MALRD1: variants seen among roughly 807,000 people sequenced by gnomAD.
MALRD1 encodes the protein MAM and LDL receptor class A domain containing 1.
Under a neutral mutation model 242.1 loss-of-function variants are expected in MALRD1, and 247 were observed. That is an observed-to-expected ratio of 1.02 (90% CI 0.92 to 1.13). The LOEUF is 1.13. Among genes scored for constraint, MALRD1 ranks in the 50% most tolerant of loss-of-function variants. The pLI, the probability that MALRD1 is intolerant of heterozygous loss-of-function variation, is 0.00. For synonymous variants in MALRD1, 995 were observed against 866.6 expected, an observed-to-expected ratio of 1.15 and a Z score of -2.60; for missense variants, 2,989 against 2,533.1, an observed-to-expected ratio of 1.18 and a Z score of -3.86.
chr10:19,454,823 A>C (rs1475238610), intron 29 of MALRD1, among the ~76,000 whole-genome samples: 4 of 151,868 alleles, frequency 2.6e-5, no homozygotes, highest in Non-Finnish European at 5.9e-5. Context: ...AAAGCTATTT[A>C]AGTTTCATAT....
At chr10:19,524,215 G>A (rs1833997179) in intron 31 of MALRD1, among the ~76,000 whole-genome samples, 1 of 152,106 alleles carries the variant, frequency 6.6e-6, no homozygotes, top group South Asian at 2.1e-4. Context: ...AGTGACTCAC[G>A]CCTGTAATTC....
intron 26 of MALRD1, among the ~76,000 whole-genome samples, chr10:19,385,291 A>G (rs1199411269): frequency 1.3e-5 from 2 of 151,942 alleles, no homozygotes; most frequent in Admixed American, 6.6e-5. Context: ...GTTCTCTTCA[A>G]TTTTTTGGAA....
At chr10:19,546,848 TTTTTGGAGAG>T (rs1277482920) in intron 32 of MALRD1, among the ~76,000 whole-genome samples, 1 of 152,198 alleles carries the variant, frequency 6.6e-6, no homozygotes, top group East Asian at 1.9e-4. Flanking sequence ...CAGTGGAACA[TTTTTGGAGAG>T]TATAGGTAAG....
At chr10:19,063,908 C>T (rs542469319) in intron 1 of MALRD1, among the ~76,000 whole-genome samples, 3 of 151,776 alleles carry the variant, frequency 2.0e-5, no homozygotes, top group Admixed American at 2.0e-4. Context: ...CTAACCTGCA[C>T]ATTGTGCACA....
At chr10:19,518,789 T>C (rs1833750383) in intron 31 of MALRD1, among the ~76,000 whole-genome samples, 2 of 152,220 alleles carry the variant, frequency 1.3e-5, no homozygotes, top group South Asian at 2.1e-4. Flanking sequence ...GAACAAACTT[T>C]GGCTTACTAC....
intron 36 of MALRD1, among the ~76,000 whole-genome samples, chr10:19,635,266 A>C (rs906335564): frequency 6.6e-6 from 1 of 152,216 alleles, no homozygotes; most frequent in Admixed American, 6.5e-5. Context: ...ATGGTAACAG[A>C]GACAGAAAGT....
At chr10:19,053,156 G>A (rs1033666818) in intron 1 of MALRD1, among the ~76,000 whole-genome samples, 1 of 152,134 alleles carries the variant, frequency 6.6e-6, no homozygotes, top group Non-Finnish European at 1.5e-5. Context: ...TAGTCACCAG[G>A]GTTACTTAGG....
At chr10:19,457,060 T>A (rs1366703668) in intron 29 of MALRD1, among the ~76,000 whole-genome samples, 1 of 152,194 alleles carries the variant, frequency 6.6e-6, no homozygotes, top group African/African-American at 2.4e-5. Flanking sequence ...TCAAGCAATG[T>A]TTGATATGAT....
Position 19,629,738 on chromosome 10 carries a change from C to CA in MALRD1, c.6137+13821dup, listed in dbSNP as rs567070944. 2.1e-3 allele frequency among the ~76,000 whole-genome samples: 313 copies of CA among 152,206 alleles called. 2 individuals carry two copies. Among genetic ancestry groups the CA allele is most frequent in the African/African-American group, 6.2e-3 (257 of 41,546 alleles). On this transcript the variant is annotated intron_variant, in intron 36 of 39. Coordinates refer to ENST00000454679, the MANE Select transcript of MALRD1 (RefSeq NM_001142308.3). ...AGACTGGAGCTTCTAAGAATGCTGA[C>CA]AAAAAAGTTATTCCTCAGACTGAAT... is the stretch of plus-strand genomic sequence containing the variant.
At chr10:19,159,971 T>A (rs1001481397) in intron 12 of MALRD1, among the ~76,000 whole-genome samples, 4 of 152,174 alleles carry the variant, frequency 2.6e-5, no homozygotes, top group African/African-American at 9.6e-5. Context: ...TCCATTTTTA[T>A]CTTCAATATT....
chr10:19,501,332 C>T (rs1376749077), intron 31 of MALRD1, among the ~76,000 whole-genome samples: 1 of 152,152 alleles, frequency 6.6e-6, no homozygotes, highest in Non-Finnish European at 1.5e-5. Flanking sequence ...GGAAGCACTC[C>T]TCTTTCTAAT....
At chr10:19,686,939 A>G (rs952019560) in intron 36 of MALRD1, among the ~76,000 whole-genome samples, 2 of 152,286 alleles carry the variant, frequency 1.3e-5, no homozygotes, top group East Asian at 1.9e-4. Flanking sequence ...GTAGAGCCCC[A>G]TAAAAGCTCA....
intron 38 of MALRD1, among the ~76,000 whole-genome samples, chr10:19,717,460 A>G (rs1402859944): frequency 1.3e-5 from 2 of 152,196 alleles, no homozygotes; most frequent in African/African-American, 4.8e-5. Flanking sequence ...AACTAGTGCT[A>G]AGATACCAGC....
At chr10:19,719,608 A>G (rs1014521134) in intron 38 of MALRD1, among the ~76,000 whole-genome samples, 11 of 152,062 alleles carry the variant, frequency 7.2e-5, no homozygotes, top group Admixed American at 3.3e-4. Context: ...TGGTGTTCCA[A>G]TTGTTTGGTT....
In MALRD1 at chr10:19,104,033, A is replaced by G. The variant is rs1011218012; in HGVS notation, c.652A>G (p.Ile218Val). 52 of 1,233,726 alleles carry G rather than the reference A, an allele frequency of 4.2e-5. No homozygotes were observed. Among genetic ancestry groups the G allele is most frequent in the Non-Finnish European group, 5.3e-5 (52 of 988,116 alleles). The allele number at this position is 1,233,726 out of a possible 1,614,324, so 76.4% of individuals were successfully genotyped here. Residue 218 changes from isoleucine (I) to valine (V), a missense_variant, in exon 5 of 40, where the codon ATT (isoleucine) becomes GTT (valine). Ile to Val is a conservative substitution (Grantham distance 29, BLOSUM62 3). Coordinates refer to ENST00000454679, the MANE Select transcript of MALRD1 (RefSeq NM_001142308.3). The stretch of plus-strand genomic sequence containing the variant: ...GTATGAACAGGATGAAGTCATTGCT[A>G]TTGATGATATATCTTTCAGTTCAGG... ...STYEQDEVIA[I>V]DDISFSSGCL...
At chr10:19,353,699 A>G (rs1483940942) in intron 26 of MALRD1, among the ~76,000 whole-genome samples, 1 of 152,240 alleles carries the variant, frequency 6.6e-6, no homozygotes, top group African/African-American at 2.4e-5. Context: ...TGACCTGCCC[A>G]AGATACTCTA....
chr10:19,348,370 A>C (rs1183446753), intron 25 of MALRD1, among the ~76,000 whole-genome samples: 2 of 152,168 alleles, frequency 1.3e-5, no homozygotes, highest in Admixed American at 6.5e-5. Context: ...TGGAAATTTT[A>C]CAAACAGAAA....
chr10:19,457,633 G>A (rs1835727789), intron 29 of MALRD1, among the ~76,000 whole-genome samples: 1 of 151,324 alleles, frequency 6.6e-6, no homozygotes, highest in Non-Finnish European at 1.5e-5. Flanking sequence ...ATCTCAGAAT[G>A]TTGCATTCCT....
At chr10:19,287,889 T>C (rs1435806325) in intron 21 of MALRD1, among the ~76,000 whole-genome samples, 1 of 152,100 alleles carries the variant, frequency 6.6e-6, no homozygotes, top group Non-Finnish European at 1.5e-5. Flanking sequence ...ATCTAAGACA[T>C]AGGTGGAATT....
Sources: gnomAD v4.1 joint callset for allele counts (sites outside exome capture counted in the v4.1 genomes callset) on GRCh38, gnomAD v4.1.1 for gene constraint, MANE v1.5 for transcripts, NCBI Gene and HGNC (gene_info 2026-07-23, HGNC 2026-07-21) for gene names.